SV2C: variants seen among roughly 807,000 people sequenced by gnomAD.
The protein encoded by SV2C is synaptic vesicle glycoprotein 2C.
In SV2C, 49 loss-of-function variants were observed where a neutral mutation model predicts 79.7. The observed-to-expected ratio is 0.61, with a 90% CI of 0.49 to 0.78. The LOEUF (loss-of-function observed/expected upper bound fraction) is 0.78. Among genes scored for constraint, SV2C ranks in the 30% least tolerant of loss-of-function variants. The probability of loss-of-function intolerance (pLI) is 0.00; values close to 1 mark genes in which losing one functional copy is unlikely to be tolerated. For missense variants in SV2C, 833 were observed against 912.9 expected (o/e 0.91, Z 1.13); for synonymous variants, 334 against 333.2 (o/e 1.00, Z -0.03).
chr5:76,171,629 G>C (rs1186640044), intron 2 of SV2C, among the ~76,000 whole-genome samples: 2 of 134,792 alleles, frequency 1.5e-5, no homozygotes, highest in Admixed American at 1.4e-4. Flanking sequence ...TCAGCCCCCC[G>C]CCCGGCCAGC....
intron 12 of SV2C, among the ~76,000 whole-genome samples, chr5:76,352,262 GA>G (rs1009954562): frequency 2.3e-4 from 35 of 150,680 alleles, no homozygotes; most frequent in Middle Eastern, 3.4e-3. Flanking sequence ...TCCAACAAGA[GA>G]AAAAAAAAGT....
the SV2C span, among the ~76,000 whole-genome samples, chr5:75,982,706 A>G: frequency 2.0e-5 from 3 of 152,234 alleles, no homozygotes; most frequent in African/African-American, 7.2e-5. Context: ...AAGACATGGA[A>G]TCAACCTAAA....
chr5:75,887,610 G>A, the SV2C span, among the ~76,000 whole-genome samples: 1 of 152,068 alleles, frequency 6.6e-6, no homozygotes, highest in African/African-American at 2.4e-5. Context: ...CAGTAGACTT[G>A]CTGCTTCTTG....
At chr5:76,339,991 G>T (rs549371205) in intron 12 of SV2C, among the ~76,000 whole-genome samples, 1 of 152,282 alleles carries the variant, frequency 6.6e-6, no homozygotes, top group Admixed American at 6.5e-5. Context: ...GATAAAACAG[G>T]TTGCAGTTAA....
At chr5:75,865,680 G>A in the SV2C span, among the ~76,000 whole-genome samples, 1 of 152,222 alleles carries the variant, frequency 6.6e-6, no homozygotes, top group African/African-American at 2.4e-5. Flanking sequence ...AGGATTGGAA[G>A]ATCAGAGACA....
the SV2C span, among the ~76,000 whole-genome samples, chr5:75,897,474 T>C: frequency 6.6e-6 from 1 of 152,094 alleles, no homozygotes; most frequent in Non-Finnish European, 1.5e-5. Context: ...ACTGTAGCCT[T>C]GTAGTATAGT....
At chr5:75,875,463 A>C in the SV2C span, among the ~76,000 whole-genome samples, 1 of 152,168 alleles carries the variant, frequency 6.6e-6, no homozygotes, top group Non-Finnish European at 1.5e-5. Context: ...TGTAAAACCC[A>C]AAAGTATAAA....
chr5:75,942,809 AG>A, the SV2C span, among the ~76,000 whole-genome samples: 1,935 of 152,228 alleles, frequency 0.013, 30 homozygotes, highest in African/African-American at 0.043. Flanking sequence ...CACTAGTTTT[AG>A]GGTTTTGGAT....
intron 2 of SV2C, among the ~76,000 whole-genome samples, chr5:76,173,403 C>G (rs1467195935): frequency 6.6e-6 from 1 of 152,216 alleles, no homozygotes; most frequent in African/African-American, 2.4e-5. Context: ...GTTTTACCAG[C>G]TGCATACTCT....
chr5:76,293,705 A>T (rs966291591), intron 8 of SV2C, among the ~76,000 whole-genome samples: 1 of 150,776 alleles, frequency 6.6e-6, no homozygotes, highest in Admixed American at 6.6e-5. Context: ...CCTGAGGCAC[A>T]GATGTTTTTG....
At chr5:75,919,242 A>G in the SV2C span, among the ~76,000 whole-genome samples, 282 of 152,366 alleles carry the variant, frequency 1.9e-3, 2 homozygotes, top group African/African-American at 6.3e-3. Flanking sequence ...AGGCTAGATC[A>G]GAGAGAAAAA....
intron 4 of SV2C, among the ~76,000 whole-genome samples, chr5:76,224,817 T>C (rs1388675458): frequency 6.6e-6 from 1 of 152,218 alleles, no homozygotes; most frequent in Non-Finnish European, 1.5e-5. Flanking sequence ...AGCACAGTAT[T>C]CTTTCATTTG....
chr5:75,858,259 T>C, the SV2C span, among the ~76,000 whole-genome samples: 1 of 152,204 alleles, frequency 6.6e-6, no homozygotes, highest in Admixed American at 6.5e-5. Flanking sequence ...ATGGCTTTTT[T>C]GTGTTGAGGT....
rs767174682 is a variant in SV2C at position 76,295,793 on chromosome 5, C to T, written c.1353C>T (p.Ser451=). The T allele has an allele frequency of 1.2e-5, 19 of 1,609,656 alleles. No homozygotes were observed. Among genetic ancestry groups the T allele is most frequent in the African/African-American group, 9.4e-5 (7 of 74,536 alleles). Residue 451 remains serine, a synonymous_variant, in exon 9 of 13, where the codon TCC becomes TCT. Coordinates refer to ENST00000502798, the MANE Select transcript of SV2C (RefSeq NM_014979.4). The stretch of plus-strand genomic sequence containing the variant: ...GTCTTTGCAGGTACTATGGATTATC[C>T]GTTTGGTTCCCTGATGTCATTAAAC... ...FTLSFGYYGL[S]VWFPDVIKPL...
At chr5:75,896,569 G>A in the SV2C span, among the ~76,000 whole-genome samples, 1 of 151,930 alleles carries the variant, frequency 6.6e-6, no homozygotes, top group Non-Finnish European at 1.5e-5. Context: ...AGTCCTTTGG[G>A]TATATACCCA....
chr5:75,887,913 T>C, the SV2C span, among the ~76,000 whole-genome samples: 1 of 152,186 alleles, frequency 6.6e-6, no homozygotes, highest in East Asian at 1.9e-4. Context: ...AATATCAGCA[T>C]GGGCTTAATT....
chr5:76,025,444 T>C, the SV2C span, among the ~76,000 whole-genome samples: 2 of 152,146 alleles, frequency 1.3e-5, no homozygotes, highest in Non-Finnish European at 2.9e-5. Flanking sequence ...CAGAAGGAAA[T>C]AAGGCTTTTA....
chr5:76,143,088 G>A (rs13158110), intron 2 of SV2C, among the ~76,000 whole-genome samples: 61,729 of 151,530 alleles, frequency 0.41, 14,646 homozygotes, highest in Non-Finnish European at 0.54. Context: ...GTAGAATGGG[G>A]TTTCACCATG....
the SV2C span, among the ~76,000 whole-genome samples, chr5:75,983,897 A>C: frequency 1.7e-4 from 26 of 152,256 alleles, no homozygotes; most frequent in African/African-American, 6.3e-4. Flanking sequence ...TTTGCATTCT[A>C]ATCCTTTACT....
Sources: gnomAD v4.1 joint callset for allele counts (sites outside exome capture counted in the v4.1 genomes callset) on GRCh38, gnomAD v4.1.1 for gene constraint, MANE v1.5 for transcripts, NCBI Gene and HGNC (gene_info 2026-07-23, HGNC 2026-07-21) for gene names.